HDAC4: variants seen among roughly 807,000 people sequenced by gnomAD.
HDAC4 encodes histone deacetylase 4.
A neutral mutation model predicts 135.1 loss-of-function variants in HDAC4; 16 were observed. The ratio of observed to expected loss-of-function variants is 0.12; its 90% CI spans 0.08 to 0.18. The LOEUF is 0.18. Among genes scored for constraint, HDAC4 ranks in the 10% least tolerant of loss-of-function variants. The pLI is 1.00. For missense variants in HDAC4, 1,143 were observed against 1,511.8 expected, an observed-to-expected ratio of 0.76 and a Z score of 4.05; for synonymous variants, 685 against 653.4, an observed-to-expected ratio of 1.05 and a Z score of -0.74.
At chr2:239,288,782 T>A (rs1164900486) in intron 2 of HDAC4, among the ~76,000 whole-genome samples, 1 of 152,106 alleles carries the variant, frequency 6.6e-6, no homozygotes, top group Non-Finnish European at 1.5e-5. Context: ...TAAAAATCTA[T>A]TGAAAAAAGA....
At chr2:239,093,916 T>C (rs2036748983) in intron 17 of HDAC4, 1 of 982,204 alleles carries the variant, frequency 1.0e-6, no homozygotes, top group African/African-American at 1.8e-5. Flanking sequence ...ATAAAATAAC[T>C]CTAGGAGGGC....
chr2:239,207,287 A>G (rs1297665996), intron 3 of HDAC4, among the ~76,000 whole-genome samples: 1 of 152,220 alleles, frequency 6.6e-6, no homozygotes, highest in Non-Finnish European at 1.5e-5. Flanking sequence ...TTATTATGAC[A>G]ATAATAATAC....
intron 6 of HDAC4, among the ~76,000 whole-genome samples, chr2:239,160,788 C>T (rs1234268761): frequency 6.6e-6 from 1 of 152,250 alleles, no homozygotes; most frequent in African/African-American, 2.4e-5. Flanking sequence ...GATGACGACT[C>T]GTCGTGTTGC....
intron 16 of HDAC4, among the ~76,000 whole-genome samples, chr2:239,096,904 G>T (rs1013194228): frequency 6.6e-6 from 1 of 152,112 alleles, no homozygotes; most frequent in East Asian, 1.9e-4. Context: ...CCACGTCCAC[G>T]GCCCGGGGCT....
chr2:239,362,648 GA>G (rs2125972029), intron 1 of HDAC4, among the ~76,000 whole-genome samples: 1 of 152,248 alleles, frequency 6.6e-6, no homozygotes, highest in Non-Finnish European at 1.5e-5. Context: ...ACCAAAAGGA[GA>G]ACCCAGAGTC....
At position 239,142,257 on chromosome 2, in the gene HDAC4, C is replaced by T. The variant is rs572036993; in HGVS notation, c.865+2326G>A. Reference sequence around the variant, plus strand: ...ACCTGGCTCTCTTTCTGCCAAGAACCGCGACTGCCTCCACCGCTCCATATG... The same window carrying T: ...ACCTGGCTCTCTTTCTGCCAAGAACTGCGACTGCCTCCACCGCTCCATATG... On this transcript the variant is annotated intron_variant, in intron 8 of 26. Transcript: ENST00000543185. Among the ~76,000 whole-genome samples, 13 of 152,266 alleles carry T rather than the reference C, an allele frequency of 8.5e-5. No homozygotes were observed. In the South Asian group the frequency reaches 1.9e-3, roughly 22 times the overall value.
At chr2:239,282,331 T>C (rs576678546) in intron 2 of HDAC4, among the ~76,000 whole-genome samples, 8 of 135,498 alleles carry the variant, frequency 5.9e-5, no homozygotes, top group South Asian at 5.0e-4. Flanking sequence ...CTCTACAATG[T>C]ACACACCACT....
At chr2:239,271,830 C>G (rs1407831529) in intron 2 of HDAC4, among the ~76,000 whole-genome samples, 1 of 152,212 alleles carries the variant, frequency 6.6e-6, no homozygotes, top group East Asian at 1.9e-4. Context: ...AGATGTCCAC[C>G]TGGAAGTTAC....
chr2:239,225,341 T>G (rs2047177903), intron 3 of HDAC4, among the ~76,000 whole-genome samples: 1 of 152,220 alleles, frequency 6.6e-6, no homozygotes, highest in East Asian at 1.9e-4. Flanking sequence ...AGTGAAATGT[T>G]CAACCTAAAA....
At chr2:239,202,660 C>T (rs1421503920) in intron 3 of HDAC4, among the ~76,000 whole-genome samples, 4 of 151,984 alleles carry the variant, frequency 2.6e-5, no homozygotes, top group Non-Finnish European at 4.4e-5. Context: ...GCGGGAGGGG[C>T]GGTGGCAGGG....
At chr2:239,327,515 G>T (rs1407420589) in intron 2 of HDAC4, among the ~76,000 whole-genome samples, 2 of 152,204 alleles carry the variant, frequency 1.3e-5, no homozygotes, top group Non-Finnish European at 2.9e-5. Flanking sequence ...TAGACAGCCT[G>T]GACTTTTTTT....
chr2:239,363,968 G>A (rs866469229), intron 1 of HDAC4, among the ~76,000 whole-genome samples: 3 of 152,164 alleles, frequency 2.0e-5, no homozygotes, highest in Admixed American at 6.5e-5. Context: ...CACACACAAG[G>A]TCCTGCGCAT....
At chr2:239,383,523 G>A (rs947543679) in intron 1 of HDAC4, among the ~76,000 whole-genome samples, 2 of 152,018 alleles carry the variant, frequency 1.3e-5, no homozygotes, top group Non-Finnish European at 2.9e-5. Context: ...TCCTCTGAGC[G>A]CCACAGAGAA....
At chr2:239,078,689 GGGCC>G (rs1365611518) in intron 22 of HDAC4, among the ~76,000 whole-genome samples, 3 of 152,204 alleles carry the variant, frequency 2.0e-5, no homozygotes, top group African/African-American at 7.2e-5. Flanking sequence ...AAGGCTGGCT[GGGCC>G]GGCCGGGGCC....
At chr2:239,354,399 T>A (rs1693354546) in intron 1 of HDAC4, among the ~76,000 whole-genome samples, 1 of 152,070 alleles carries the variant, frequency 6.6e-6, no homozygotes, top group African/African-American at 2.4e-5. Context: ...GGCCTGCCTC[T>A]TCAATAGATC....
chr2:239,125,504 T>C (rs2040120884), intron 12 of HDAC4, among the ~76,000 whole-genome samples: 1 of 152,204 alleles, frequency 6.6e-6, no homozygotes, highest in Admixed American at 6.5e-5. Context: ...TCTACAGCAG[T>C]GCAGGAATGG....
intron 17 of HDAC4, chr2:239,093,937 T>C (rs2036751416): frequency 1.0e-6 from 1 of 984,552 alleles, no homozygotes; most frequent in Non-Finnish European, 1.2e-6. Context: ...TTGGTGGTGG[T>C]ATGAATAAAT....
chr2:239,316,230 C>A (rs2053109009), intron 2 of HDAC4, among the ~76,000 whole-genome samples: 1 of 152,178 alleles, frequency 6.6e-6, no homozygotes, highest in African/African-American at 2.4e-5. Context: ...TATAGGAAAT[C>A]TTGAGAAAAA....
intron 4 of HDAC4, among the ~76,000 whole-genome samples, chr2:239,185,741 A>AAG (rs1258124449): frequency 6.6e-6 from 1 of 152,192 alleles, no homozygotes; most frequent in Non-Finnish European, 1.5e-5. Context: ...TCAGAAATGC[A>AAG]AGAGAGAGGC....
Sources: gnomAD v4.1 joint callset for allele counts (sites outside exome capture counted in the v4.1 genomes callset) on GRCh38, gnomAD v4.1.1 for gene constraint, MANE v1.5 for transcripts, NCBI Gene and HGNC (gene_info 2026-07-23, HGNC 2026-07-21) for gene names.